The following CYREN variants were observed in gnomAD, a reference collection of about 807,000 sequenced individuals.
CYREN encodes the protein cell cycle regulator of non-homologous end joining.
Under a neutral mutation model 9.7 loss-of-function variants are expected in CYREN, and 7 were observed. The observed-to-expected ratio is 0.72, with a 90% CI of 0.41 to 1.36. The LOEUF (loss-of-function observed/expected upper bound fraction) is 1.36. Among genes scored for constraint, CYREN ranks in the 40% most tolerant of loss-of-function variants. The pLI is 0.01. For missense variants in CYREN, 215 were observed against 198.1 expected, an observed-to-expected ratio of 1.09 and a Z score of -0.51; for synonymous variants, 76 against 77.9, an observed-to-expected ratio of 0.98 and a Z score of 0.13.
intron 2 of CYREN, among the ~76,000 whole-genome samples, chr7:135,144,383 C>T (rs11765841): frequency 2.0e-5 from 3 of 152,134 alleles, no homozygotes; most frequent in African/African-American, 4.8e-5. Flanking sequence ...ACAGAGAGCT[C>T]TGAAGCTGTC....
At chr7:135,172,220 C>T (rs184575278), upstream of CYREN, among the ~76,000 whole-genome samples, 13 of 152,302 alleles carry the variant, frequency 8.5e-5, no homozygotes, top group East Asian at 2.3e-3. Context: ...TTGGAACTTG[C>T]CCCACTCCAT....
At chr7:135,165,095 T>C (rs145425395), downstream of CYREN, 180 of 1,418,754 alleles carry the variant, frequency 1.3e-4, no homozygotes, top group Non-Finnish European at 1.6e-4. Flanking sequence ...GATCTCCAGC[T>C]CCAGCGATGG....
chr7:135,115,237 T>G, intron 2 of CYREN: 1 of 551,196 alleles, frequency 1.8e-6, no homozygotes, highest in Non-Finnish European at 3.2e-6. Context: ...TTTTATTTGT[T>G]TATTTTCTGC....
At chr7:135,141,336 T>C (rs1325419309) in intron 2 of CYREN, among the ~76,000 whole-genome samples, 2 of 152,162 alleles carry the variant, frequency 1.3e-5, no homozygotes, top group East Asian at 3.9e-4. Flanking sequence ...TTCTAGTTTG[T>C]ATGCATACAG....
In CYREN at chr7:135,156,929, C is replaced by T. The variant is rs148977596; in HGVS notation, n.356+11820G>A. Among the ~76,000 whole-genome samples, 580 of 152,250 alleles carry T rather than the reference C, an allele frequency of 3.8e-3. 2 individuals carry two copies. Among genetic ancestry groups the T allele is most frequent in the Non-Finnish European group, 5.6e-3 (381 of 68,034 alleles). Reference sequence around the variant, plus strand: ...GATAGTGAATAAGTCTCATGAGAACCGATGGGTTCATCAGGGTTTCTGCTT... The same window carrying T: ...GATAGTGAATAAGTCTCATGAGAACTGATGGGTTCATCAGGGTTTCTGCTT... On this transcript the variant is annotated intron_variant and non_coding_transcript_variant, in intron 2 of 2. Coordinates refer to the CYREN transcript ENST00000459937.
intron 2 of CYREN, among the ~76,000 whole-genome samples, chr7:135,110,838 G>A (rs1377208369): frequency 6.6e-6 from 1 of 152,118 alleles, no homozygotes; most frequent in South Asian, 2.1e-4. Flanking sequence ...CTTATCCTTT[G>A]ACTAAGCCAA....
chr7:135,111,032 T>G (rs1825562157), intron 2 of CYREN, among the ~76,000 whole-genome samples: 1 of 152,138 alleles, frequency 6.6e-6, no homozygotes, highest in Non-Finnish European at 1.5e-5. Context: ...TATTCTAAAC[T>G]TTTTCCTCTC....
chr7:135,156,032 G>GTT (rs34544342), intron 2 of CYREN, among the ~76,000 whole-genome samples: 1 of 149,228 alleles, frequency 6.7e-6, no homozygotes, highest in African/African-American at 2.5e-5. Flanking sequence ...CAGACACACT[G>GTT]TTTTTTTTTT....
At chr7:135,168,731 G>A (rs758122845) in intron 2 of CYREN, 55 bp downstream of exon 2, 131 of 1,584,496 alleles carry the variant, frequency 8.3e-5, no homozygotes, top group Non-Finnish European at 1.1e-4. Flanking sequence ...AGGTCATGGA[G>A]GCCCCTGCTC....
chr7:135,116,266 A>G (rs970593498), intron 2 of CYREN, among the ~76,000 whole-genome samples: 1 of 152,230 alleles, frequency 6.6e-6, no homozygotes, highest in African/African-American at 2.4e-5. Context: ...GCCAATATGT[A>G]GTGGAATCTG....
intron 2 of CYREN, among the ~76,000 whole-genome samples, chr7:135,110,830 T>C (rs986660011): frequency 2.0e-5 from 3 of 152,210 alleles, no homozygotes; most frequent in Non-Finnish European, 4.4e-5. Context: ...TTTGCCTCCT[T>C]ATCCTTTGAC....
At chr7:135,149,531 T>C (rs954620036) in intron 2 of CYREN, among the ~76,000 whole-genome samples, 2 of 152,236 alleles carry the variant, frequency 1.3e-5, no homozygotes, top group African/African-American at 4.8e-5. Context: ...ATTGCTGTCT[T>C]AGGATAGATT....
intron 2 of CYREN, among the ~76,000 whole-genome samples, chr7:135,149,636 C>T (rs189417638): frequency 6.6e-6 from 1 of 152,300 alleles, no homozygotes; most frequent in East Asian, 1.9e-4. Context: ...TGTTCACATC[C>T]ACCATCATTG....
chr7:135,163,906 A>C (rs908362155), downstream of CYREN, among the ~76,000 whole-genome samples: 8 of 152,222 alleles, frequency 5.3e-5, no homozygotes, highest in Admixed American at 4.6e-4. Context: ...CCCGAAGCAC[A>C]TAAGTTGAGC....
At chr7:135,127,549 CT>C (rs757121303) in intron 2 of CYREN, among the ~76,000 whole-genome samples, 2 of 33,664 alleles carry the variant, frequency 5.9e-5, no homozygotes, top group Non-Finnish European at 1.6e-4. Flanking sequence ...AAGTCTCCGT[CT>C]AAAAAAAAAA....
rs1830133174 is a variant in CYREN, at chr7:135,166,363, A to G, written c.*248T>C. On this transcript the variant is annotated 3_prime_UTR_variant, in exon 4 of 4. Coordinates refer to ENST00000393114, the MANE Select transcript of CYREN (RefSeq NM_024033.4). ...AGCCTCAAGAGCCAGGAGAGGGCACAGTACATACAGAGGGAGTCAAATGGG... is the reference window on the plus strand; with the variant it reads ...AGCCTCAAGAGCCAGGAGAGGGCACGGTACATACAGAGGGAGTCAAATGGG... 1 of 444,922 alleles carries G rather than the reference A, an allele frequency of 2.2e-6. No individual in the cohort carries two copies. Among genetic ancestry groups the G allele is most frequent in the Non-Finnish European group, 3.9e-6 (1 of 253,276 alleles). The allele number at this position is 444,922 out of a possible 1,614,324, so 27.6% of individuals were successfully genotyped here. A position where few individuals can be genotyped will look rare whatever the true frequency, so the allele number is the denominator to read the frequency against.
At chr7:135,163,488 T>C (rs1448687133), downstream of CYREN, among the ~76,000 whole-genome samples, 2 of 151,294 alleles carry the variant, frequency 1.3e-5, no homozygotes, top group Admixed American at 1.3e-4. Flanking sequence ...CTACCAAAAA[T>C]ACAAAAATTA....
intron 2 of CYREN, chr7:135,129,687 G>C (rs548062865): frequency 2.6e-6 from 2 of 776,280 alleles, no homozygotes; most frequent in South Asian, 2.7e-5. Flanking sequence ...TGAGATTGAA[G>C]ACTAGTTAAC....
chr7:135,129,400 GGTA>G, intron 2 of CYREN: 1 of 816,976 alleles, frequency 1.2e-6, no homozygotes. Flanking sequence ...TTGGAACAAA[GGTA>G]TGATAAGAGG....
Sources: gnomAD v4.1 joint callset for allele counts (sites outside exome capture counted in the v4.1 genomes callset) on GRCh38, gnomAD v4.1.1 for gene constraint, MANE v1.5 for transcripts, NCBI Gene and HGNC (gene_info 2026-07-23, HGNC 2026-07-21) for gene names.